Variants in RUBCN observed in about 807,000 individuals in gnomAD.
The protein encoded by RUBCN is rubicon autophagy regulator.
RUBCN carries 74 observed loss-of-function variants against 113.2 expected under a neutral mutation model. The ratio of observed to expected loss-of-function variants is 0.65; its 90% CI spans 0.54 to 0.79. RUBCN has a LOEUF of 0.79. Ranked by LOEUF, RUBCN falls within the 30% of genes least tolerant of loss-of-function variation. The probability of loss-of-function intolerance (pLI) is 0.00; values close to 1 mark genes in which losing one functional copy is unlikely to be tolerated. For synonymous variants in RUBCN, 480 were observed against 490.0 expected (o/e 0.98, Z 0.27); for missense variants, 1,109 against 1,251.7 (o/e 0.89, Z 1.72).
chr3:197,740,164 C>T (rs1728464966), upstream of RUBCN, among the ~76,000 whole-genome samples: 1 of 152,172 alleles, frequency 6.6e-6, no homozygotes, highest in Admixed American at 6.5e-5. Context: ...ATAAACATGA[C>T]AATAATCTGC....
At chr3:197,708,560 A>C (rs1220777078) in intron 2 of RUBCN, among the ~76,000 whole-genome samples, 3 of 142,176 alleles carry the variant, frequency 2.1e-5, no homozygotes, top group Non-Finnish European at 4.4e-5. Context: ...GACTCAAAAA[A>C]AAAAAAAAAA....
chr3:197,703,750 G>T, intron 4 of RUBCN, 96 bp from the exon 5 acceptor site: 2 of 775,226 alleles, frequency 2.6e-6, no homozygotes, highest in South Asian at 1.5e-5. Flanking sequence ...GATGAATGAG[G>T]AGGAGGGTGA....
At position 197,681,889 on chromosome 3, in the gene RUBCN, C is replaced by T. The variant is rs1721287414; in HGVS notation, c.2137G>A (p.Ala713Thr). The T allele has an allele frequency of 1.2e-6, 2 of 1,613,844 alleles. No individual in the cohort carries two copies. Among genetic ancestry groups the T allele is most frequent in the South Asian group, 1.1e-5 (1 of 91,080 alleles). The change falls in exon 15 of 20, where the codon GCC becomes ACC. Residue 713 changes from alanine (A) to threonine (T), a missense_variant. Coordinates refer to ENST00000296343, the MANE Select transcript of RUBCN (RefSeq NM_014687.4). This position sits in a 1 kb window ranked among gnomAD's most constrained non-coding sequence, Gnocchi z 5.5. ...NVHPAPTRKIAVAKQNYRCAG... is the reference protein window; with the variant it reads ...NVHPAPTRKITVAKQNYRCAG... ...CAGCGGTAATTCTGCTTGGCCACGG[C>T]AATTTTCCTCCTGAGGAAGGGTAAG... is the stretch of plus-strand genomic sequence containing the variant.
intron 11 of RUBCN, among the ~76,000 whole-genome samples, chr3:197,693,179 C>T (rs187342431): frequency 2.2e-4 from 33 of 152,284 alleles, no homozygotes; most frequent in African/African-American, 7.9e-4. Context: ...TATGCTGATA[C>T]TCCTACCACC....
rs1046039426 is a variant in RUBCN, at chr3:197,713,415, A to G, written c.219+4562T>C. On this transcript the variant is annotated intron_variant, in intron 2 of 19. Coordinates refer to ENST00000296343, the MANE Select transcript of RUBCN (RefSeq NM_014687.4). Reference sequence around the variant, plus strand: ...TGAGTGGCAGTGCCACTCATCTGGTAGCTATTTTGGTCAGCAGCCTGGGAA... The same window carrying G: ...TGAGTGGCAGTGCCACTCATCTGGTGGCTATTTTGGTCAGCAGCCTGGGAA... Among the ~76,000 whole-genome samples, 3 of 152,326 alleles carry G rather than the reference A, an allele frequency of 2.0e-5. No homozygotes were observed. In the South Asian group the frequency reaches 6.2e-4, roughly 32 times the overall value.
intron 1 of RUBCN, among the ~76,000 whole-genome samples, chr3:197,729,343 C>T (rs1039485218): frequency 1.3e-5 from 2 of 152,030 alleles, no homozygotes; most frequent in Non-Finnish European, 2.9e-5. Context: ...AGTTCTGCCT[C>T]CCGGGCTCAC....
chr3:197,749,247 C>G (rs1205131514), intron 1 of RUBCN: 1 of 1,026,142 alleles, frequency 9.7e-7, no homozygotes, highest in Non-Finnish European at 1.2e-6. Context: ...GAAAATGCAG[C>G]TACATCAACA....
chr3:197,749,176 G>T (rs750273339), intron 1 of RUBCN: 109 of 631,276 alleles, frequency 1.7e-4, no homozygotes, highest in Non-Finnish European at 2.0e-4. Context: ...CTGTTTTCCC[G>T]TAGGGATGAT....
In RUBCN at chr3:197,749,484, T is replaced by C. The variant is rs1416530020; in HGVS notation, c.-331A>G. The C allele has an allele frequency of 9.4e-6, 12 of 1,281,420 alleles. No individual in the cohort carries two copies. In the East Asian group the frequency reaches 5.1e-4, roughly 55 times the overall value. The allele number at this position is 1,281,420 out of a possible 1,614,324, so 79.4% of individuals were successfully genotyped here. ...AGGAGCGTGCCAGGGAGGGGGGAGCTGGGATGCAGCTGCAATCTACACTCG... is the reference window on the plus strand; with the variant it reads ...AGGAGCGTGCCAGGGAGGGGGGAGCCGGGATGCAGCTGCAATCTACACTCG... On this transcript the variant is annotated 5_prime_UTR_variant, in exon 1 of 21. Transcript: ENST00000273582.
chr3:197,731,470 C>T lies in RUBCN; in HGVS notation c.65+5185G>A, dbSNP rs531583900. ...TTCCCCCGTTTCTATTCTACAAAAC[C>T]GCCATTGTCATCATGGCCCGTTCTC... On this transcript the variant is annotated intron_variant, in intron 1 of 19. Transcript: ENST00000296343. Among the ~76,000 whole-genome samples the T allele has an allele frequency of 2.6e-5, 4 of 152,372 alleles. No individual in the cohort carries two copies. In the East Asian group the frequency reaches 5.8e-4, roughly 22 times the overall value.
At chr3:197,692,981 C>G (rs1194316748) in intron 11 of RUBCN, among the ~76,000 whole-genome samples, 3 of 152,210 alleles carry the variant, frequency 2.0e-5, no homozygotes, top group Non-Finnish European at 2.9e-5. Context: ...TTATAGATAC[C>G]ATTCACTTCA....
At chr3:197,749,112 C>T (rs1276298190) in intron 1 of RUBCN, among the ~76,000 whole-genome samples, 6 of 152,278 alleles carry the variant, frequency 3.9e-5, no homozygotes, top group African/African-American at 1.4e-4. Flanking sequence ...GAGGTAAATA[C>T]CGTATGTTGT....
Position 197,736,901 on chromosome 3 carries a change from C to T in RUBCN, c.-182G>A. On this transcript the variant is annotated 5_prime_UTR_variant, in exon 1 of 20. Transcript: ENST00000296343. ...GCCTGGGCTGCGGCTTCTATCCCGG[C>T]CACCCCCACTTCCGGCTCCGGGGAC... is the stretch of plus-strand genomic sequence containing the variant. 1.5e-6 allele frequency: 2 copies of T among 1,363,072 alleles called. No homozygotes were observed. Among genetic ancestry groups the T allele is most frequent in the South Asian group, 3.5e-5 (2 of 57,730 alleles). 84.4% of individuals were successfully genotyped at this position (1,363,072 alleles called of 1,614,324 possible). A position where few individuals can be genotyped will look rare whatever the true frequency, so the allele number is the denominator to read the frequency against.
At position 197,717,409 on chromosome 3, in the gene RUBCN, A is replaced by C. The variant is rs1378192394; in HGVS notation, c.219+568T>G. Among the ~76,000 whole-genome samples, 3 of 148,856 alleles carry C rather than the reference A, an allele frequency of 2.0e-5. No individual in the cohort carries two copies. The Admixed American group carries it at 2.0e-4, about 10-fold the overall frequency. On this transcript the variant is annotated intron_variant, in intron 2 of 19. Coordinates refer to ENST00000296343, the MANE Select transcript of RUBCN (RefSeq NM_014687.4). The stretch of plus-strand genomic sequence containing the variant: ...CAGTGAGCCAAGATCGCACCACCGC[A>C]CTCCAGCCTGGGTGACAGAGCGAGA...
At chr3:197,720,431 A>G (rs1156862905) in intron 1 of RUBCN, among the ~76,000 whole-genome samples, 4 of 151,678 alleles carry the variant, frequency 2.6e-5, no homozygotes, top group Non-Finnish European at 5.9e-5. Flanking sequence ...TTTTTAAGAC[A>G]GACTCTCACT....
chr3:197,676,133 C>T (rs1720384331), intron 18 of RUBCN: 1 of 952,610 alleles, frequency 1.0e-6, no homozygotes, highest in Admixed American at 5.7e-5. Context: ...CGCTGTCATA[C>T]AAATTACCCC....
In RUBCN at chr3:197,670,650, C is replaced by G. The variant is rs1176519557; in HGVS notation, c.*4368G>C. The stretch of plus-strand genomic sequence containing the variant: ...GTTGAAAAACATTTGAACATTTTAT[C>G]AACTTCAGCAGTCTTTCACATGGCT... On this transcript the variant is annotated 3_prime_UTR_variant, in exon 20 of 20. Transcript: ENST00000296343. Among the ~76,000 whole-genome samples, 1 of 152,240 alleles carries G rather than the reference C, an allele frequency of 6.6e-6. No individual in the cohort carries two copies. Among genetic ancestry groups the G allele is most frequent in the African/African-American group, 2.4e-5 (1 of 41,456 alleles).
Position 197,675,536 on chromosome 3 carries a change from T to C in RUBCN, c.2647-21A>G, listed in dbSNP as rs771562100. The C allele has an allele frequency of 1.2e-5, 19 of 1,587,952 alleles. No individual in the cohort carries two copies. Among genetic ancestry groups the C allele is most frequent in the Admixed American group, 6.7e-5 (4 of 59,982 alleles). Reference sequence around the variant, plus strand: ...CAGAGCTGGGGAGGAAAAACACAGATGGCAAAATGAGGAGCGGCACATCAG... The same window carrying C: ...CAGAGCTGGGGAGGAAAAACACAGACGGCAAAATGAGGAGCGGCACATCAG... On this transcript the variant is annotated intron_variant, in intron 18 of 19. Transcript: ENST00000296343. This position sits in a 1 kb window ranked among gnomAD's most constrained non-coding sequence, Gnocchi z 4.4.
intron 11 of RUBCN, among the ~76,000 whole-genome samples, chr3:197,684,728 G>A (rs28699320): frequency 0.15 from 22,124 of 149,690 alleles, 2,464 homozygotes; most frequent in African/African-American, 0.32. Context: ...ATATGTGTGT[G>A]TATATATATA....
Sources: allele counts gnomAD v4.1 joint callset (sites outside exome capture counted in the v4.1 genomes callset), GRCh38; gene constraint gnomAD v4.1.1; non-coding constraint Gnocchi (gnomAD v3.1); transcripts MANE v1.5; gene names NCBI Gene and HGNC (gene_info 2026-07-23, HGNC 2026-07-21).